Variants in PFDN1 observed in about 807,000 individuals in gnomAD.
The protein encoded by PFDN1 is prefoldin subunit 1.
PFDN1 carries 6 observed loss-of-function variants against 17.3 expected under a neutral mutation model. That is an observed-to-expected ratio of 0.35 (90% CI 0.19 to 0.69). The LOEUF (loss-of-function observed/expected upper bound fraction) is 0.69. PFDN1 is among the 30% of genes least tolerant of loss of function. The pLI is 0.65. For synonymous variants in PFDN1, 58 were observed against 50.1 expected, an observed-to-expected ratio of 1.16 and a Z score of -0.67; for missense variants, 113 against 146.2, an observed-to-expected ratio of 0.77 and a Z score of 1.17.
chr5:140,260,556 T>G (rs1305754406), intron 3 of PFDN1, among the ~76,000 whole-genome samples: 1 of 150,440 alleles, frequency 6.6e-6, no homozygotes, highest in East Asian at 1.9e-4. Flanking sequence ...GAATGAACCT[T>G]GAGACATTAA....
chr5:140,292,873 G>A (rs1007028368), intron 2 of PFDN1: 4 of 152,064 alleles, frequency 2.6e-5, no homozygotes, highest in Non-Finnish European at 2.9e-5. Context: ...TACCAAGTGC[G>A]TGTTCATATA....
intron 3 of PFDN1, among the ~76,000 whole-genome samples, chr5:140,266,174 G>A (rs1427094412): frequency 2.0e-5 from 3 of 152,188 alleles, no homozygotes; most frequent in African/African-American, 7.2e-5. Context: ...TTAATCACAG[G>A]CCCAAAACTT....
chr5:140,271,628 G>A (rs947643786), intron 3 of PFDN1, among the ~76,000 whole-genome samples: 1 of 151,984 alleles, frequency 6.6e-6, no homozygotes, highest in East Asian at 1.9e-4. Flanking sequence ...AGTGTGGGTG[G>A]AGGGTGGTTT....
At chr5:140,277,500 T>C (rs887389705) in intron 3 of PFDN1, among the ~76,000 whole-genome samples, 15 of 151,714 alleles carry the variant, frequency 9.9e-5, no homozygotes, top group African/African-American at 3.4e-4. Context: ...ATACAAATTT[T>C]CCAGAATTTA....
intron 3 of PFDN1, among the ~76,000 whole-genome samples, chr5:140,261,227 G>A (rs1421880939): frequency 6.6e-6 from 1 of 150,728 alleles, no homozygotes; most frequent in Non-Finnish European, 1.5e-5. Flanking sequence ...CTCTGTGTCT[G>A]AAAACAGGCA....
At chr5:140,290,226 A>G (rs1023862849) in intron 2 of PFDN1, among the ~76,000 whole-genome samples, 2 of 152,182 alleles carry the variant, frequency 1.3e-5, no homozygotes, top group Non-Finnish European at 2.9e-5. Flanking sequence ...TTGCAGTTGC[A>G]TCCCCCAAGA....
rs1764814257 is a variant in PFDN1 at position 140,245,394 on chromosome 5, T to C, written c.*580A>G. The C allele has an allele frequency of 4.3e-6, 3 of 700,564 alleles. No individual in the cohort carries two copies. The highest frequency in any genetic ancestry group is 1.5e-5 in the South Asian group (1 of 67,292). 43.4% of individuals were successfully genotyped at this position (700,564 alleles called of 1,614,324 possible). On this transcript the variant is annotated 3_prime_UTR_variant, in exon 4 of 4. Coordinates refer to ENST00000261813, the MANE Select transcript of PFDN1 (RefSeq NM_002622.5). ...GCAGACTGCCATCCAGGGACTGCTA[T>C]TCTGTTCACTGAGATTCAGCTGTGA...
At chr5:140,265,010 G>A (rs1301732698) in intron 3 of PFDN1, among the ~76,000 whole-genome samples, 1 of 152,104 alleles carries the variant, frequency 6.6e-6, no homozygotes. Context: ...CTTTGCTTCT[G>A]CCCATGTTAG....
rs1013095934 is a variant in PFDN1 at position 140,254,640 on chromosome 5, C to G, written c.286-8583G>C. 1.3e-5 allele frequency among the ~76,000 whole-genome samples: 2 copies of G among 152,208 alleles called. No individual in the cohort carries two copies. The highest frequency in any genetic ancestry group is 2.9e-5 in the Non-Finnish European group (2 of 68,038). ...TCACAATTTTACAGTTATCCCACCT[C>G]AGCCACCTGGTCCATGGTCATGCCC... On this transcript the variant is annotated intron_variant, in intron 3 of 3. Coordinates refer to ENST00000261813, the MANE Select transcript of PFDN1 (RefSeq NM_002622.5). The surrounding 1 kb of genome is among the most constrained non-coding windows in gnomAD (Gnocchi z 4.4).
chr5:140,295,037 G>A (rs1446996477), intron 2 of PFDN1, among the ~76,000 whole-genome samples: 1 of 151,832 alleles, frequency 6.6e-6, no homozygotes, highest in Non-Finnish European at 1.5e-5. Flanking sequence ...TCTTTTTAAA[G>A]GCTAATCTAC....
intron 3 of PFDN1, among the ~76,000 whole-genome samples, chr5:140,248,650 C>G (rs1161175287): frequency 1.3e-5 from 2 of 152,220 alleles, no homozygotes; most frequent in African/African-American, 4.8e-5. Context: ...GCAAAACCAT[C>G]AACTTGGAAC....
chr5:140,297,090 ATC>A (rs1765665542), intron 2 of PFDN1, among the ~76,000 whole-genome samples: 1 of 152,260 alleles, frequency 6.6e-6, no homozygotes, highest in Non-Finnish European at 1.5e-5. Flanking sequence ...TTAAGATGCT[ATC>A]ATAAAAGTCC....
intron 3 of PFDN1, among the ~76,000 whole-genome samples, chr5:140,273,269 A>C (rs939373830): frequency 6.6e-6 from 1 of 151,950 alleles, no homozygotes; most frequent in South Asian, 2.1e-4. Context: ...AAAGAGAAAA[A>C]CAGAGGTAAG....
At chr5:140,286,619 G>T (rs1417721448) in intron 2 of PFDN1, among the ~76,000 whole-genome samples, 4 of 40,068 alleles carry the variant, frequency 1.0e-4, no homozygotes, top group African/African-American at 2.9e-4. Context: ...GGGGGGGGGG[G>T]GCGGGGGAGA....
intron 3 of PFDN1, among the ~76,000 whole-genome samples, chr5:140,264,084 C>CA (rs1227022120): frequency 7.0e-6 from 1 of 142,058 alleles, no homozygotes; most frequent in African/African-American, 2.7e-5. Flanking sequence ...AATGGGGAGC[C>CA]AGCACGTCAC....
intron 3 of PFDN1, among the ~76,000 whole-genome samples, chr5:140,260,837 T>A (rs1041072393): frequency 1.4e-4 from 21 of 152,000 alleles, no homozygotes; most frequent in Non-Finnish European, 1.2e-4. Flanking sequence ...TATCTCCTTT[T>A]ATTCTCAAAA....
At position 140,245,963 on chromosome 5, in the gene PFDN1, A is replaced by G; in HGVS notation, c.*11T>C. On this transcript the variant is annotated 3_prime_UTR_variant, in exon 4 of 4. Transcript: ENST00000261813. Reference sequence around the variant, plus strand: ...GGAGGGGCAGGAGGAAGAGCTTCCCAGAGAGGCTCCCTACTGGGCCCTTCG... The same window carrying G: ...GGAGGGGCAGGAGGAAGAGCTTCCCGGAGAGGCTCCCTACTGGGCCCTTCG... 1.3e-6 allele frequency: 2 copies of G among 1,517,946 alleles called. No homozygotes were observed. The highest frequency in any genetic ancestry group is 2.4e-5 in the East Asian group (1 of 41,184). 94.0% of individuals were successfully genotyped at this position (1,517,946 alleles called of 1,614,324 possible).
At chr5:140,286,158 C>G (rs1180036430) in intron 2 of PFDN1, among the ~76,000 whole-genome samples, 1 of 151,788 alleles carries the variant, frequency 6.6e-6, no homozygotes, top group Admixed American at 6.6e-5. Flanking sequence ...CACCTGCAAT[C>G]CCTGCACTTT....
chr5:140,281,039 AG>A (rs1243016609), intron 3 of PFDN1: 1 of 157,388 alleles, frequency 6.4e-6, no homozygotes, highest in African/African-American at 2.4e-5. Flanking sequence ...TGTGTAAAAA[AG>A]ACCCTATACC....
Sources: gnomAD v4.1 joint callset for allele counts (sites outside exome capture counted in the v4.1 genomes callset) on GRCh38, gnomAD v4.1.1 for gene constraint, Gnocchi (gnomAD v3.1) non-coding constraint, MANE v1.5 for transcripts, NCBI Gene and HGNC (gene_info 2026-07-23, HGNC 2026-07-21) for gene names.